The following PIK3C2B variants were observed in gnomAD, a reference collection of about 807,000 sequenced individuals.
The protein encoded by PIK3C2B is phosphatidylinositol-4-phosphate 3-kinase catalytic subunit type 2 beta, also known as phosphatidylinositol 4-phosphate 3-kinase C2 domain-containing subunit beta.
PIK3C2B carries 83 observed loss-of-function variants against 184.3 expected under a neutral mutation model. The observed-to-expected ratio is 0.45, with a 90% CI of 0.38 to 0.54. The LOEUF (loss-of-function observed/expected upper bound fraction) is 0.54, where lower values mean the gene tolerates loss of function less well. PIK3C2B is among the 20% of genes least tolerant of loss of function. PIK3C2B has a pLI of 0.00. For synonymous variants in PIK3C2B, 779 were observed against 837.6 expected (o/e 0.93, Z 1.21); for missense variants, 1,736 against 2,113.5 (o/e 0.82, Z 3.50).
At chr1:204,469,972 T>C in intron 1 of PIK3C2B, 86 bp from the exon 2 acceptor site, 1 of 597,800 alleles carries the variant, frequency 1.7e-6, no homozygotes, top group East Asian at 2.8e-5. Flanking sequence ...TGATATTATC[T>C]GGGCCAGTGC....
intron 1 of PIK3C2B, among the ~76,000 whole-genome samples, chr1:204,482,853 G>A (rs780490262): frequency 1.3e-5 from 2 of 152,130 alleles, no homozygotes; most frequent in Non-Finnish European, 2.9e-5. Flanking sequence ...TATCTCGATG[G>A]GGGGAATGGG....
rs765935682 is a variant in PIK3C2B, at chr1:204,450,032, A to G, written c.2067-15T>C. On this transcript the variant is annotated splice_polypyrimidine_tract_variant and intron_variant, in intron 12 of 32. Transcript: ENST00000684373. ...GGAAGCAGATCCTATGGAGGACAGG[A>G]AGTCAAATTAGGAGGGGCCACTCCT... The G allele has an allele frequency of 6.5e-7, 1 of 1,537,038 alleles. No individual in the cohort carries two copies. The highest frequency in any genetic ancestry group is 1.2e-5 in the South Asian group (1 of 82,484).
At chr1:204,455,509 A>G (rs1654773409) in intron 11 of PIK3C2B, among the ~76,000 whole-genome samples, 1 of 141,806 alleles carries the variant, frequency 7.1e-6, no homozygotes, top group Admixed American at 7.0e-5. Flanking sequence ...ACCCCCTCCC[A>G]CTGGCCAGGG....
chr1:204,449,424 C>T (rs1315222525), intron 13 of PIK3C2B, 128 bp from the exon 14 acceptor site: 4 of 709,486 alleles, frequency 5.6e-6, no homozygotes, highest in East Asian at 5.4e-5. Context: ...TCATTCTCAC[C>T]GTGGACCATA....
intron 20 of PIK3C2B, 70 bp from the exon 21 acceptor site, chr1:204,441,633 C>T: frequency 2.0e-6 from 2 of 993,950 alleles, no homozygotes; most frequent in Non-Finnish European, 3.1e-6. Flanking sequence ...GACCTCTCCA[C>T]TTCAGACCAA....
intron 14 of PIK3C2B, among the ~76,000 whole-genome samples, chr1:204,448,347 CT>C (rs1440822614): frequency 6.6e-6 from 1 of 152,008 alleles, no homozygotes; most frequent in Non-Finnish European, 1.5e-5. Flanking sequence ...AGTGATCCCC[CT>C]GCCTCAGCCT....
intron 1 of PIK3C2B, among the ~76,000 whole-genome samples, chr1:204,472,867 T>A (rs1478122705): frequency 2.0e-5 from 3 of 152,102 alleles, no homozygotes; most frequent in African/African-American, 7.2e-5. Flanking sequence ...TTTTAAAAAC[T>A]CCCCAGGAGA....
At chr1:204,491,594 G>A (rs1658019844) in intron 1 of PIK3C2B, among the ~76,000 whole-genome samples, 1 of 152,130 alleles carries the variant, frequency 6.6e-6, no homozygotes, top group Non-Finnish European at 1.5e-5. Context: ...TCAGGGTGGG[G>A]ACTGAGGTCG....
Position 204,439,049 on chromosome 1 carries a change from A to G in PIK3C2B, c.3402T>C (p.Asn1134=), listed in dbSNP as rs1161876489. 1.9e-6 allele frequency: 3 copies of G among 1,613,784 alleles called. No homozygotes were observed. The highest frequency in any genetic ancestry group is 1.7e-5 in the Admixed American group (1 of 59,990). ...RGRGMVEMIP[N]AETLRKIQVE... is the part of the protein sequence containing the mutation. The stretch of plus-strand genomic sequence containing the variant: ...CCTGGATCTTACGCAGGGTCTCAGC[A>G]TTAGGGATCATCTCCACCATCCCTG... The change falls in exon 23 of 33, where the codon AAT becomes AAC. Residue 1134 remains asparagine (N), a synonymous_variant. Coordinates refer to ENST00000684373, the MANE Select transcript of PIK3C2B (RefSeq NM_001377334.1).
intron 11 of PIK3C2B, among the ~76,000 whole-genome samples, chr1:204,455,567 C>G (rs1368401986): frequency 6.6e-6 from 1 of 152,058 alleles, no homozygotes; most frequent in Non-Finnish European, 1.5e-5. Context: ...ATGTCTCCTT[C>G]CACTGGTCTT....
intron 3 of PIK3C2B, 145 bp from the exon 4 acceptor site, chr1:204,464,749 G>A (rs1396446728): frequency 1.5e-6 from 1 of 681,494 alleles, no homozygotes; most frequent in Non-Finnish European, 2.4e-6. Flanking sequence ...CCAGGATGGG[G>A]GCAGTGGGGT....
At chr1:204,443,396 G>A in intron 19 of PIK3C2B, 21 bp downstream of exon 19, 2 of 1,605,882 alleles carry the variant, frequency 1.2e-6, no homozygotes, top group Non-Finnish European at 1.7e-6. Context: ...AAATGGGTAG[G>A]GGCAGCCTCA....
intron 1 of PIK3C2B, among the ~76,000 whole-genome samples, chr1:204,493,758 A>G (rs1280110115): frequency 6.6e-6 from 1 of 152,198 alleles, no homozygotes; most frequent in Non-Finnish European, 1.5e-5. Context: ...AGGGACAAGT[A>G]TAGGCCAGGA....
In PIK3C2B at chr1:204,423,111, C is replaced by G. The variant is rs898215158; in HGVS notation, c.*1741G>C. ...ATTCAAAGTCCCTCCCTCCTTTTGG[C>G]GAGGAAGACAACCCTTTGGAGCGAA... is the stretch of plus-strand genomic sequence containing the variant. On this transcript the variant is annotated 3_prime_UTR_variant, in exon 33 of 33. Transcript: ENST00000684373. 1 of 152,120 alleles carries G rather than the reference C, an allele frequency of 6.6e-6. No individual in the cohort carries two copies. Among genetic ancestry groups the G allele is most frequent in the African/African-American group, 2.4e-5 (1 of 41,418 alleles). The allele number at this position is 152,120 out of a possible 1,614,324, so 9.4% of individuals were successfully genotyped here. A position where few individuals can be genotyped will look rare whatever the true frequency, so the allele number is the denominator to read the frequency against.
rs568229569 is a variant in PIK3C2B at position 204,434,930 on chromosome 1, G to T, written c.3517-322C>A. On this transcript the variant is annotated intron_variant, in intron 23 of 32. Coordinates refer to ENST00000684373, the MANE Select transcript of PIK3C2B (RefSeq NM_001377334.1). ...TGGACTGATCCAAGAGCCCAGTCTTGATCAGCCCAGACTGAGGGGACCTTA... is the reference window on the plus strand; with the variant it reads ...TGGACTGATCCAAGAGCCCAGTCTTTATCAGCCCAGACTGAGGGGACCTTA... Among the ~76,000 whole-genome samples, 3 of 152,296 alleles carry T rather than the reference G, an allele frequency of 2.0e-5. No homozygotes were observed. The South Asian group carries it at 6.2e-4, about 32-fold the overall frequency.
At chr1:204,456,344 AT>A in intron 10 of PIK3C2B, 1 of 264,038 alleles carries the variant, frequency 3.8e-6, no homozygotes, top group Non-Finnish European at 7.1e-6. Flanking sequence ...GTTAATAATT[AT>A]TGTCAGTTGC....
chr1:204,466,965 G>A, intron 2 of PIK3C2B: 1 of 526,676 alleles, frequency 1.9e-6, no homozygotes, highest in Non-Finnish European at 3.9e-6. Context: ...ATAGGCCGAG[G>A]GCCCAAGGGG....
rs150261506 is a variant in PIK3C2B at position 204,450,014 on chromosome 1, G to C, written c.2070C>G (p.Ile690Met). ...LFHLIVWDQQ[I>M]CFPVQVNRLP... ...GCCGGTTCACCTGCACTGGGAAGCA[G>C]ATCCTATGGAGGACAGGAAGTCAAA... The change falls in exon 13 of 33, where the codon ATC becomes ATG. Residue 690 changes from isoleucine to methionine, a missense_variant. Transcript: ENST00000684373. The C allele has an allele frequency of 1.9e-4, 294 of 1,560,090 alleles. No homozygotes were observed. The highest frequency in any genetic ancestry group is 2.5e-4 in the Non-Finnish European group (285 of 1,151,352).
rs763035178 is a variant in PIK3C2B at position 204,464,509 on chromosome 1, T to A, written c.1130A>T (p.Asn377Ile). Residue 377 changes from asparagine to isoleucine, a missense_variant, in exon 4 of 33, where the codon AAC (asparagine) becomes ATC (isoleucine). Physicochemically the swap from Asn to Ile is moderately radical, Grantham distance 149. Around this residue, in one of 8 missense-constraint regions of PIK3C2B, gnomAD observed 609 missense variants for 699.2 expected, o/e 0.87. Coordinates refer to ENST00000684373, the MANE Select transcript of PIK3C2B (RefSeq NM_001377334.1). The part of the protein sequence containing the change: ...PSPEHLGDEV[N>I]LKVTVLCDRL... ...GTCACACAACACAGTCACCTTCAGG[T>A]TGACCTCATCCCCGAGGTGCTCTGG... 1 of 1,614,074 alleles carries A rather than the reference T, an allele frequency of 6.2e-7. No individual in the cohort carries two copies.
Sources: gnomAD v4.1 joint callset for allele counts (sites outside exome capture counted in the v4.1 genomes callset) on GRCh38, gnomAD v4.1.1 for gene constraint, gnomAD v4.1.1 regional missense constraint, MANE v1.5 for transcripts, NCBI Gene and HGNC (gene_info 2026-07-23, HGNC 2026-07-21) for gene names.